BRDT: variants seen among roughly 807,000 people sequenced by gnomAD.
BRDT encodes the protein bromodomain testis-specific protein.
BRDT carries 77 observed loss-of-function variants against 113.9 expected under a neutral mutation model. The ratio of observed to expected loss-of-function variants is 0.68; its 90% CI spans 0.56 to 0.82. The LOEUF is 0.82. Among genes scored for constraint, BRDT ranks in the 40% least tolerant of loss-of-function variants. The probability of loss-of-function intolerance (pLI) is 0.00; values close to 1 mark genes in which losing one functional copy is unlikely to be tolerated. For missense variants in BRDT, 1,027 were observed against 1,105.4 expected (o/e 0.93, Z 1.01); for synonymous variants, 358 against 366.5 (o/e 0.98, Z 0.26).
intron 1 of BRDT, among the ~76,000 whole-genome samples, chr1:91,952,916 A>T (rs1199982784): frequency 6.6e-6 from 1 of 152,006 alleles, no homozygotes; most frequent in Non-Finnish European, 1.5e-5. Flanking sequence ...AAATGAGAAG[A>T]TTGAGTCATT....
intron 1 of BRDT, 51 bp from the exon 2 acceptor site, chr1:91,962,667 G>T (rs1175883069): frequency 2.4e-5 from 28 of 1,146,722 alleles, no homozygotes; most frequent in African/African-American, 3.2e-5. Context: ...TTCAGCTCCT[G>T]TGGAAACCAT....
At chr1:91,990,120 G>C (rs1014337926) in intron 12 of BRDT, among the ~76,000 whole-genome samples, 1 of 152,166 alleles carries the variant, frequency 6.6e-6, no homozygotes, top group African/African-American at 2.4e-5. Flanking sequence ...GATTATGACT[G>C]GGGAGGATAG....
intron 15 of BRDT, among the ~76,000 whole-genome samples, chr1:91,994,909 C>CTTAGAGAT (rs1465818123): frequency 7.0e-5 from 10 of 143,792 alleles, no homozygotes; most frequent in African/African-American, 2.3e-4. Context: ...GGGAAAGATA[C>CTTAGAGAT]TTAGAGATTC....
At chr1:92,006,834 C>A (rs1687359698) in intron 18 of BRDT, among the ~76,000 whole-genome samples, 1 of 151,892 alleles carries the variant, frequency 6.6e-6, no homozygotes, top group Admixed American at 6.6e-5. Flanking sequence ...GTCGCCCAGG[C>A]TGGAGTGCAG....
intron 4 of BRDT, 124 bp from the exon 5 acceptor site, chr1:91,976,142 T>C (rs1162180654): frequency 3.0e-5 from 28 of 922,528 alleles, no homozygotes; most frequent in Non-Finnish European, 4.0e-5. Flanking sequence ...GATTTCAAAA[T>C]GAAATAAGTA....
intron 4 of BRDT, among the ~76,000 whole-genome samples, chr1:91,971,347 G>A (rs766788966): frequency 9.2e-5 from 14 of 152,150 alleles, no homozygotes; most frequent in Non-Finnish European, 1.9e-4. Flanking sequence ...AGGCTTTAGA[G>A]GTGATACAAG....
At chr1:92,004,297 C>A (rs1687096437) in intron 16 of BRDT, 117 bp from the exon 17 acceptor site, 1 of 626,626 alleles carries the variant, frequency 1.6e-6, no homozygotes, top group Non-Finnish European at 2.7e-6. Context: ...AGTAAAAGTA[C>A]ATGAAGCCCT....
rs1289173973 is a variant in BRDT, at chr1:91,981,615, T to C, written c.1865-3T>C. 1 of 1,611,938 alleles carries C rather than the reference T, an allele frequency of 6.2e-7. No homozygotes were observed. Among genetic ancestry groups the C allele is most frequent in the Admixed American group, 1.7e-5 (1 of 59,266 alleles). On this transcript the variant is annotated splice_region_variant and splice_polypyrimidine_tract_variant and intron_variant, in intron 11 of 18. Coordinates refer to ENST00000399546, the MANE Select transcript of BRDT (RefSeq NM_207189.4). ...CATTTTAATATGTTTCTCTGTTTTG[T>C]AGCTGATAAAACGCAACCATCCAAA...
chr1:91,989,283 A>T (rs1056691850), intron 12 of BRDT, among the ~76,000 whole-genome samples: 5 of 152,156 alleles, frequency 3.3e-5, no homozygotes, highest in African/African-American at 1.2e-4. Context: ...GTATAGATAT[A>T]CATATATGAT....
At chr1:91,956,035 A>G (rs1311602092) in intron 1 of BRDT, among the ~76,000 whole-genome samples, 1 of 152,200 alleles carries the variant, frequency 6.6e-6, no homozygotes, top group Non-Finnish European at 1.5e-5. Flanking sequence ...TTGCTTTTCT[A>G]TATAGCCTTC....
intron 3 of BRDT, among the ~76,000 whole-genome samples, chr1:91,966,856 G>T (rs1397646950): frequency 6.6e-6 from 1 of 152,140 alleles, no homozygotes; most frequent in Non-Finnish European, 1.5e-5. Flanking sequence ...GGATCACAAG[G>T]TCAGGAGTTC....
At chr1:91,961,544 G>T (rs1467713828) in intron 1 of BRDT, among the ~76,000 whole-genome samples, 1 of 151,662 alleles carries the variant, frequency 6.6e-6, no homozygotes, top group African/African-American at 2.4e-5. Flanking sequence ...CTAGAGAATC[G>T]CTTGAACCTG....
chr1:92,010,833 A>G (rs1687727467), intron 18 of BRDT, among the ~76,000 whole-genome samples: 1 of 152,166 alleles, frequency 6.6e-6, no homozygotes, highest in Admixed American at 6.5e-5. Context: ...GCTAATTCCA[A>G]TATGTATGTC....
intron 12 of BRDT, among the ~76,000 whole-genome samples, chr1:91,989,924 G>A (rs1257241397): frequency 1.3e-5 from 2 of 152,184 alleles, no homozygotes; most frequent in Non-Finnish European, 1.5e-5. Context: ...GAAACTGATG[G>A]CTTTTCAGAA....
At chr1:91,961,961 C>T (rs1043164785) in intron 1 of BRDT, among the ~76,000 whole-genome samples, 16 of 151,554 alleles carry the variant, frequency 1.1e-4, no homozygotes, top group Non-Finnish European at 2.4e-4. Context: ...ATCTAGACCA[C>T]GGTGAAACCC....
At chr1:92,003,252 T>G (rs954299388) in intron 16 of BRDT, among the ~76,000 whole-genome samples, 1 of 152,200 alleles carries the variant, frequency 6.6e-6, no homozygotes, top group Non-Finnish European at 1.5e-5. Context: ...TATAAATATA[T>G]CTAGTCATAC....
intron 15 of BRDT, among the ~76,000 whole-genome samples, chr1:91,997,303 G>A (rs1686437247): frequency 2.0e-5 from 3 of 152,200 alleles, no homozygotes; most frequent in Admixed American, 1.3e-4. Context: ...GAATTTGAGT[G>A]TAGTGAATGT....
At chr1:91,982,102 A>T (rs1179285137) in intron 12 of BRDT, among the ~76,000 whole-genome samples, 1 of 152,182 alleles carries the variant, frequency 6.6e-6, no homozygotes, top group Non-Finnish European at 1.5e-5. Flanking sequence ...ATTATTTGAG[A>T]GCACCTTTCG....
At chr1:91,968,417 T>G (rs978421418) in intron 4 of BRDT, 157 bp downstream of exon 4, 3 of 1,156,202 alleles carry the variant, frequency 2.6e-6, no homozygotes, top group Non-Finnish European at 2.4e-6. Context: ...TGCCAAACCT[T>G]GATCACAAGG....
Sources: allele counts gnomAD v4.1 joint callset (sites outside exome capture counted in the v4.1 genomes callset), GRCh38; gene constraint gnomAD v4.1.1; transcripts MANE v1.5; gene names NCBI Gene and HGNC (gene_info 2026-07-23, HGNC 2026-07-21).